The following ROBO1 variants were observed in gnomAD, a reference collection of about 807,000 sequenced individuals.
ROBO1 encodes the protein roundabout homolog 1.
In ROBO1, 149 loss-of-function variants were observed where a neutral mutation model predicts 195.9. The observed-to-expected ratio is 0.76, with a 90% CI of 0.67 to 0.87. ROBO1 has a LOEUF of 0.87. ROBO1 is among the 40% of genes least tolerant of loss of function. The pLI, the probability that ROBO1 is intolerant of heterozygous loss-of-function variation, is 0.00. For missense variants in ROBO1, 1,933 were observed against 2,068.3 expected (o/e 0.93, Z 1.27); for synonymous variants, 816 against 733.2 (o/e 1.11, Z -1.82).
chr3:79,695,922 G>A (rs112199341), intron 1 of ROBO1, among the ~76,000 whole-genome samples: 6 of 144,972 alleles, frequency 4.1e-5, no homozygotes, highest in Non-Finnish European at 6.1e-5. Flanking sequence ...AAAATTAAGC[G>A]GACACAGTTA....
rs373143795 is a variant in ROBO1 at position 79,471,863 on chromosome 3, C to T, written c.88+117961G>A. Among the ~76,000 whole-genome samples, 28 of 151,566 alleles carry T rather than the reference C, an allele frequency of 1.8e-4. No homozygotes were observed. In the South Asian group the frequency reaches 5.8e-3, roughly 32 times the overall value. ...GAAAACCAAACACCGCATGTTCTCC[C>T]TCATAAGTGGGAGTTAAACAGTGAG... is the stretch of plus-strand genomic sequence containing the variant. On this transcript the variant is annotated intron_variant, in intron 2 of 30. Coordinates refer to ENST00000464233, the MANE Select transcript of ROBO1 (RefSeq NM_002941.4).
At chr3:79,299,196 G>T (rs183706327) in intron 2 of ROBO1, among the ~76,000 whole-genome samples, 1 of 151,986 alleles carries the variant, frequency 6.6e-6, no homozygotes, top group African/African-American at 2.4e-5. Flanking sequence ...AGTTTACATC[G>T]CATTTAGCAT....
chr3:78,837,155 A>G, intron 4 of ROBO1, among the ~76,000 whole-genome samples: 1 of 152,204 alleles, frequency 6.6e-6, no homozygotes, highest in South Asian at 2.1e-4. Flanking sequence ...TGGTTCATCA[A>G]ATTTCTTCAC....
At chr3:78,984,223 T>A (rs2077056814) in intron 3 of ROBO1, among the ~76,000 whole-genome samples, 1 of 152,134 alleles carries the variant, frequency 6.6e-6, no homozygotes, top group Non-Finnish European at 1.5e-5. Flanking sequence ...ATGACCATGA[T>A]AATTTTATAT....
intron 10 of ROBO1, among the ~76,000 whole-genome samples, chr3:78,678,343 A>C (rs1004682056): frequency 1.3e-5 from 2 of 152,094 alleles, no homozygotes; most frequent in African/African-American, 4.8e-5. Flanking sequence ...ACTGAAGGAA[A>C]TAGAGACACA....
At chr3:79,057,933 C>A (rs754677980) in intron 3 of ROBO1, among the ~76,000 whole-genome samples, 5 of 152,134 alleles carry the variant, frequency 3.3e-5, no homozygotes, top group East Asian at 3.9e-4. Context: ...ACAGATACCC[C>A]CCTCTGTGCC....
chr3:79,557,747 T>A (rs199571505), intron 2 of ROBO1, among the ~76,000 whole-genome samples: 2,280 of 108,316 alleles, frequency 0.021, 100 homozygotes, highest in East Asian at 0.083. Context: ...AAAAAAAATA[T>A]ATATATATAT....
intron 2 of ROBO1, among the ~76,000 whole-genome samples, chr3:79,141,272 T>C (rs993686683): frequency 2.0e-5 from 3 of 152,112 alleles, no homozygotes; most frequent in Admixed American, 6.6e-5. Context: ...GCCATCCATC[T>C]GTGACCATTA....
intron 3 of ROBO1, among the ~76,000 whole-genome samples, chr3:79,080,722 C>A (rs992133732): frequency 9.2e-5 from 14 of 152,004 alleles, no homozygotes; most frequent in African/African-American, 3.1e-4. Context: ...ATTCATGCAG[C>A]CTTCATGTTT....
intron 3 of ROBO1, among the ~76,000 whole-genome samples, chr3:78,971,741 ATTTT>A (rs563155914): frequency 6.6e-6 from 1 of 151,274 alleles, no homozygotes; most frequent in East Asian, 2.0e-4. Flanking sequence ...TCTTTTAAAT[ATTTT>A]TTTTGTTGTT....
At chr3:79,570,941 T>C (rs968232953) in intron 2 of ROBO1, among the ~76,000 whole-genome samples, 30 of 152,138 alleles carry the variant, frequency 2.0e-4, no homozygotes, top group African/African-American at 6.5e-4. Context: ...GTTAGCAACA[T>C]TTCTATCTAT....
At chr3:79,550,197 A>AAAGGAAAGGAAAGG (rs142251104) in intron 2 of ROBO1, among the ~76,000 whole-genome samples, 12 of 19,326 alleles carry the variant, frequency 6.2e-4, no homozygotes, top group East Asian at 2.5e-3. Context: ...GAAAGAAAGG[A>AAAGGAAAGGAAAGG]AAAGAAAAGA....
At chr3:78,874,691 A>T in intron 4 of ROBO1, among the ~76,000 whole-genome samples, 1 of 151,938 alleles carries the variant, frequency 6.6e-6, no homozygotes, top group East Asian at 1.9e-4. Context: ...AATATAAAAA[A>T]TTTAAACTAA....
intron 2 of ROBO1, among the ~76,000 whole-genome samples, chr3:79,175,581 C>T (rs191700045): frequency 3.3e-5 from 5 of 152,282 alleles, no homozygotes; most frequent in African/African-American, 7.2e-5. Context: ...AGCTAAATAG[C>T]GCCTAAGATA....
At chr3:79,551,085 T>A (rs1056945109) in intron 2 of ROBO1, among the ~76,000 whole-genome samples, 9 of 152,142 alleles carry the variant, frequency 5.9e-5, no homozygotes, top group Non-Finnish European at 1.2e-4. Flanking sequence ...CTCTGGATTT[T>A]GGGCTCTTCA....
At chr3:79,298,241 G>T (rs2032700775) in intron 2 of ROBO1, among the ~76,000 whole-genome samples, 1 of 152,094 alleles carries the variant, frequency 6.6e-6, no homozygotes, top group South Asian at 2.1e-4. Flanking sequence ...AGGCCAGCGG[G>T]CATGATTGAT....
In ROBO1 at chr3:79,500,125, T is replaced by TG. The variant is rs1166862591; in HGVS notation, c.88+89698_88+89699insC. 1.4e-3 allele frequency among the ~76,000 whole-genome samples: 49 copies of TG among 36,012 alleles called. No homozygotes were observed. The African/African-American group carries it at 0.014, about 10-fold the overall frequency. The allele number at this position is 36,012 out of a possible 152,430, so 23.6% of individuals were successfully genotyped here. A position where few individuals can be genotyped will look rare whatever the true frequency, so the allele number is the denominator to read the frequency against. On this transcript the variant is annotated intron_variant, in intron 2 of 30. Coordinates refer to ENST00000464233, the MANE Select transcript of ROBO1 (RefSeq NM_002941.4). Reference sequence around the variant, plus strand: ...ATGCGGCAGTAAGTTTTCTCTTTTTTTTTTTTTTTTTTTTTTTTTTTTTGA... The same window carrying TG: ...ATGCGGCAGTAAGTTTTCTCTTTTTTGTTTTTTTTTTTTTTTTTTTTTTTGA...
chr3:79,456,474 G>C (rs1299095806), intron 2 of ROBO1, among the ~76,000 whole-genome samples: 1 of 152,032 alleles, frequency 6.6e-6, no homozygotes, highest in African/African-American at 2.4e-5. Context: ...CATGACACGT[G>C]GTTGGATAGC....
chr3:79,484,142 C>A (rs4296552), intron 2 of ROBO1, among the ~76,000 whole-genome samples: 46,649 of 151,820 alleles, frequency 0.31, 7,380 homozygotes, highest in Non-Finnish European at 0.35. Context: ...TCTTAGAGAT[C>A]CCCCACGGGG....
Sources: allele counts gnomAD v4.1 joint callset (sites outside exome capture counted in the v4.1 genomes callset), GRCh38; gene constraint gnomAD v4.1.1; transcripts MANE v1.5; gene names NCBI Gene and HGNC (gene_info 2026-07-23, HGNC 2026-07-21).